PACSIN1: variants seen among roughly 807,000 people sequenced by gnomAD.
The protein encoded by PACSIN1 is protein kinase C and casein kinase substrate in neurons protein 1.
A neutral mutation model predicts 59.5 loss-of-function variants in PACSIN1; 15 were observed. The ratio of observed to expected loss-of-function variants is 0.25; its 90% confidence interval spans 0.17 to 0.39. The LOEUF is 0.39. Among genes scored for constraint, PACSIN1 ranks in the 10% least tolerant of loss-of-function variants. PACSIN1 has a pLI of 1.00. For synonymous variants in PACSIN1, 210 were observed against 220.6 expected (o/e 0.95, Z 0.42); for missense variants, 420 against 580.2 (o/e 0.72, Z 2.84).
In PACSIN1 at chr6:34,533,040, C is replaced by A; in HGVS notation, c.*510C>A. On this transcript the variant is annotated 3_prime_UTR_variant, in exon 10 of 10. Transcript: ENST00000244458. ...CCCATCTTTAGTTTTCCACTCTGCCCCGGGGAGCACCCTTCTACTCCTAGC... is the reference window on the plus strand; with the variant it reads ...CCCATCTTTAGTTTTCCACTCTGCCACGGGGAGCACCCTTCTACTCCTAGC... The A allele has an allele frequency of 6.5e-6, 1 of 153,276 alleles. No homozygotes were observed. The highest frequency in any genetic ancestry group is 1.5e-5 in the Non-Finnish European group (1 of 68,624). The allele number at this position is 153,276 out of a possible 1,614,324, so 9.5% of individuals were successfully genotyped here.
intron 1 of PACSIN1, among the ~76,000 whole-genome samples, chr6:34,496,044 G>T (rs902292827): frequency 6.6e-5 from 10 of 152,288 alleles, no homozygotes; most frequent in African/African-American, 2.2e-4. Flanking sequence ...CCAGCTGCCT[G>T]CTGCTCCCCT....
At chr6:34,524,418 C>T (rs756140154) in intron 1 of PACSIN1, among the ~76,000 whole-genome samples, 3 of 152,206 alleles carry the variant, frequency 2.0e-5, no homozygotes, top group Non-Finnish European at 2.9e-5. Context: ...TCTCTCTCCC[C>T]CTGCGTCCCC....
rs3800469 is a variant in PACSIN1, at chr6:34,514,204, C to T, written c.-63-12039C>T. On this transcript the variant is annotated intron_variant, in intron 1 of 9. Transcript: ENST00000244458. The surrounding 1 kb of genome is among the most constrained non-coding windows in gnomAD (Gnocchi z 4.4). The stretch of plus-strand genomic sequence containing the variant: ...CTGGACACACGAGTGCTTAGGGCCA[C>T]CCATGTGTGCGCTTGAGTGGTGTGT... Among the ~76,000 whole-genome samples the T allele has an allele frequency of 1.6e-3, 237 of 151,902 alleles. 2 individuals carry two copies. Among genetic ancestry groups the T allele is most frequent in the East Asian group, 9.0e-3 (46 of 5,128 alleles).
rs117923077 is a variant in PACSIN1 at position 34,510,230 on chromosome 6, C to A, written c.-63-16013C>A. On this transcript the variant is annotated intron_variant, in intron 1 of 9. Transcript: ENST00000244458. ...AAAAGCTTCTTAACTGGTCTCCTTG[C>A]CTCCACCCCGGTCTCCTAATCACTT... Among the ~76,000 whole-genome samples, 27 of 152,338 alleles carry A rather than the reference C, an allele frequency of 1.8e-4. No individual in the cohort carries two copies. The East Asian group carries it at 4.8e-3, about 27-fold the overall frequency.
chr6:34,523,725 T>C (rs1767436813), intron 1 of PACSIN1, among the ~76,000 whole-genome samples: 1 of 152,204 alleles, frequency 6.6e-6, no homozygotes, highest in Non-Finnish European at 1.5e-5. Flanking sequence ...AGGAAGGACA[T>C]GGCGTTTGTC....
chr6:34,516,238 A>G lies in PACSIN1; in HGVS notation c.-63-10005A>G, dbSNP rs1303549454. 6.6e-6 allele frequency among the ~76,000 whole-genome samples: 1 copy of G among 151,890 alleles called. No individual in the cohort carries two copies. The highest frequency in any genetic ancestry group is 1.5e-5 in the Non-Finnish European group (1 of 67,952). Reference sequence around the variant, plus strand: ...AGAGGGCCTGGTGCAGGGGCTGAGGAGGGGTCACATGATGGGTAGGGGCAT... The same window carrying G: ...AGAGGGCCTGGTGCAGGGGCTGAGGGGGGGTCACATGATGGGTAGGGGCAT... On this transcript the variant is annotated intron_variant, in intron 1 of 9. Transcript: ENST00000244458. This position sits in a 1 kb window ranked among gnomAD's most constrained non-coding sequence, Gnocchi z 5.4.
chr6:34,495,742 C>T (rs1387118205), intron 1 of PACSIN1, among the ~76,000 whole-genome samples: 1 of 152,192 alleles, frequency 6.6e-6, no homozygotes, highest in Non-Finnish European at 1.5e-5. Flanking sequence ...CGTGAGCCAC[C>T]GTGCCCAGCC....
chr6:34,524,397 A>G (rs543186660), intron 1 of PACSIN1, among the ~76,000 whole-genome samples: 74 of 152,330 alleles, frequency 4.9e-4, no homozygotes, highest in African/African-American at 1.8e-3. Context: ...AAAAGGACCT[A>G]CAGAGAAAAG....
At chr6:34,487,547 G>A (rs1766812781) in intron 1 of PACSIN1, among the ~76,000 whole-genome samples, 1 of 152,176 alleles carries the variant, frequency 6.6e-6, no homozygotes, top group Non-Finnish European at 1.5e-5. Context: ...GCAGGAGGTT[G>A]CTCTCGGAAT....
intron 1 of PACSIN1, among the ~76,000 whole-genome samples, chr6:34,493,840 C>T (rs1205496784): frequency 6.6e-6 from 1 of 152,218 alleles, no homozygotes; most frequent in African/African-American, 2.4e-5. Flanking sequence ...TTCCAGCTAT[C>T]AGATGTGGGA....
rs1229874795 is a variant in PACSIN1 at position 34,533,220 on chromosome 6, C to T, written c.*690C>T. 1 of 152,294 alleles carries T rather than the reference C, an allele frequency of 6.6e-6. No homozygotes were observed. Among genetic ancestry groups the T allele is most frequent in the Non-Finnish European group, 1.5e-5 (1 of 68,116 alleles). 9.4% of individuals were successfully genotyped at this position (152,294 alleles called of 1,614,324 possible). On this transcript the variant is annotated 3_prime_UTR_variant, in exon 10 of 10. Transcript: ENST00000244458. ...AGGGTGAATGAAGGGCATGCAGGCCCTCAGCCCGGGCTGTGCCAGCCCTCC... is the reference window on the plus strand; with the variant it reads ...AGGGTGAATGAAGGGCATGCAGGCCTTCAGCCCGGGCTGTGCCAGCCCTCC...
intron 1 of PACSIN1, among the ~76,000 whole-genome samples, chr6:34,487,202 G>A (rs917986012): frequency 1.3e-5 from 2 of 152,004 alleles, no homozygotes; most frequent in Non-Finnish European, 2.9e-5. Flanking sequence ...ATTAATTAAA[G>A]TACAAAGTGC....
rs559975985 is a variant in PACSIN1 at position 34,497,271 on chromosome 6, G to A, written c.-63-28972G>A. 5.3e-5 allele frequency among the ~76,000 whole-genome samples: 8 copies of A among 152,178 alleles called. No homozygotes were observed. The South Asian group carries it at 1.7e-3, about 32-fold the overall frequency. ...CCAATGGTGTGCATCTCTTAGGGTT[G>A]TTGAGATTAAAGGAGATAATGATGG... is the stretch of plus-strand genomic sequence containing the variant. On this transcript the variant is annotated intron_variant, in intron 1 of 9. Transcript: ENST00000244458.
At chr6:34,506,244 A>T (rs1178332983) in intron 1 of PACSIN1, among the ~76,000 whole-genome samples, 1 of 151,188 alleles carries the variant, frequency 6.6e-6, no homozygotes, top group African/African-American at 2.4e-5. Context: ...TTGAGACAGA[A>T]TCTTGCTCTG....
chr6:34,520,130 G>A (rs1035450038), intron 1 of PACSIN1, among the ~76,000 whole-genome samples: 7 of 152,066 alleles, frequency 4.6e-5, no homozygotes, highest in Admixed American at 1.3e-4. Flanking sequence ...TGGGTTGTGG[G>A]GAGACATGAG....
In PACSIN1 at chr6:34,518,833, C is replaced by T. The variant is rs1418742553; in HGVS notation, c.-63-7410C>T. 6.6e-6 allele frequency among the ~76,000 whole-genome samples: 1 copy of T among 152,218 alleles called. No individual in the cohort carries two copies. The highest frequency in any genetic ancestry group is 2.4e-5 in the African/African-American group (1 of 41,462). ...ATTGTATTTTCTTCTTGGCTTTTTG[C>T]CCATGCTGGAATGTAAGCTCCATGA... On this transcript the variant is annotated intron_variant, in intron 1 of 9. Coordinates refer to ENST00000244458, the MANE Select transcript of PACSIN1 (RefSeq NM_020804.5). The surrounding 1 kb of genome is among the most constrained non-coding windows in gnomAD (Gnocchi z 4.4).
intron 1 of PACSIN1, among the ~76,000 whole-genome samples, chr6:34,489,079 G>A (rs893645362): frequency 7.9e-5 from 12 of 151,924 alleles, no homozygotes; most frequent in East Asian, 1.9e-4. Context: ...TACTTGGGGG[G>A]CTGAGGCAGG....
chr6:34,529,652 T>C lies in PACSIN1; in HGVS notation c.613-14T>C. The C allele has an allele frequency of 6.2e-7, 1 of 1,613,480 alleles. No individual in the cohort carries two copies. Among genetic ancestry groups the C allele is most frequent in the South Asian group, 1.1e-5 (1 of 91,068 alleles). On this transcript the variant is annotated splice_polypyrimidine_tract_variant and intron_variant, in intron 5 of 9. Transcript: ENST00000244458. The surrounding 1 kb of genome is among the most constrained non-coding windows in gnomAD (Gnocchi z 6.3). ...TGGCTAGGTGTCACCCTCTCTCCAC[T>C]CTGGTGCCCACAGACACAGGAGAAG...
Position 34,530,271 on chromosome 6 carries a change from C to A in PACSIN1, c.817C>A (p.Gln273Lys). ...SYIHVYRELEQAIRGADAQED... is the reference protein window; with the variant it reads ...SYIHVYRELEKAIRGADAQED... The stretch of plus-strand genomic sequence containing the variant: ...CATCCATGTGTACCGTGAGCTGGAG[C>A]AGGCCATCCGGGGGGCTGATGCCCA... The change falls in exon 7 of 10, where the codon CAG becomes AAG. Residue 273 changes from glutamine to lysine, a missense_variant. Coordinates refer to ENST00000244458, the MANE Select transcript of PACSIN1 (RefSeq NM_020804.5). The surrounding 1 kb of genome is among the most constrained non-coding windows in gnomAD (Gnocchi z 4.4). The A allele has an allele frequency of 6.2e-7, 1 of 1,614,066 alleles. No individual in the cohort carries two copies. The highest frequency in any genetic ancestry group is 8.5e-7 in the Non-Finnish European group (1 of 1,179,962).
Sources: allele counts gnomAD v4.1 joint callset (sites outside exome capture counted in the v4.1 genomes callset), GRCh38; gene constraint gnomAD v4.1.1; non-coding constraint Gnocchi (gnomAD v3.1); transcripts MANE v1.5; gene names NCBI Gene and HGNC (gene_info 2026-07-23, HGNC 2026-07-21).